Variants in UBE2V2 observed in about 807,000 individuals in gnomAD.
UBE2V2 encodes ubiquitin conjugating enzyme E2 V2, also known as ubiquitin-conjugating enzyme E2 variant 2.
UBE2V2 carries 9 observed loss-of-function variants against 17.2 expected under a neutral mutation model. The observed-to-expected ratio is 0.52, with a 90% confidence interval of 0.32 to 0.91. The LOEUF (loss-of-function observed/expected upper bound fraction) is 0.91, where lower values mean the gene tolerates loss of function less well. Among genes scored for constraint, UBE2V2 ranks in the 40% least tolerant of loss-of-function variants. The pLI is 0.04. For missense variants in UBE2V2, 133 were observed against 182.6 expected (o/e 0.73, Z 1.56); for synonymous variants, 61 against 57.5 (o/e 1.06, Z -0.28).
At chr8:48,053,109 C>T (rs1254486104) in intron 3 of UBE2V2, among the ~76,000 whole-genome samples, 1 of 152,126 alleles carries the variant, frequency 6.6e-6, no homozygotes, top group Non-Finnish European at 1.5e-5. Flanking sequence ...GTTGGCCAGG[C>T]TGGTCTCAGA....
rs143794770 is a variant in UBE2V2 at position 48,009,267 on chromosome 8, C to CT, written c.16+814dup. Reference sequence around the variant, plus strand: ...GTGATCTGCCTTTTTCTTTTCTTTTCTTTTTTTTTTTTTTTTTGAGTCAGA... The same window carrying CT: ...GTGATCTGCCTTTTTCTTTTCTTTTCTTTTTTTTTTTTTTTTTTGAGTCAGA... On this transcript the variant is annotated intron_variant, in intron 1 of 3. Coordinates refer to ENST00000523111, the MANE Select transcript of UBE2V2 (RefSeq NM_003350.3). 7.0e-3 allele frequency among the ~76,000 whole-genome samples: 933 copies of CT among 133,742 alleles called. 6 individuals carry two copies. Among genetic ancestry groups the CT allele is most frequent in the East Asian group, 0.015 (71 of 4,628 alleles). The allele number at this position is 133,742 out of a possible 152,430, so 87.7% of individuals were successfully genotyped here.
rs148705275 is a variant in UBE2V2, at chr8:48,011,905, G to A, written c.16+3435G>A. On this transcript the variant is annotated intron_variant, in intron 1 of 3. Transcript: ENST00000523111. ...TGGACTCAAGTGACCCTCCTGCCCT[G>A]GCCTGAGGTTAGGATTACAGGTTTG... Among the ~76,000 whole-genome samples, 501 of 152,228 alleles carry A rather than the reference G, an allele frequency of 3.3e-3. 2 individuals carry two copies. Among genetic ancestry groups the A allele is most frequent in the African/African-American group, 0.011 (469 of 41,554 alleles).
At chr8:48,026,459 T>C (rs559127534) in intron 1 of UBE2V2, among the ~76,000 whole-genome samples, 1 of 152,334 alleles carries the variant, frequency 6.6e-6, no homozygotes, top group African/African-American at 2.4e-5. Flanking sequence ...CATACAGTTG[T>C]CTATTTAAAG....
At chr8:48,038,856 A>T (rs2091442234) in intron 1 of UBE2V2, among the ~76,000 whole-genome samples, 1 of 150,950 alleles carries the variant, frequency 6.6e-6, no homozygotes, top group South Asian at 2.1e-4. Context: ...AACTCAAGTG[A>T]TTTGCCCATC....
At chr8:48,035,208 CGGGTTCA>C (rs1209587630) in intron 1 of UBE2V2, 49 of 861,374 alleles carry the variant, frequency 5.7e-5, no homozygotes, top group Non-Finnish European at 6.4e-5. Context: ...TTCTGCCTCC[CGGGTTCA>C]AGCAATTCTC....
intron 2 of UBE2V2, among the ~76,000 whole-genome samples, chr8:48,045,051 C>G (rs1419187230): frequency 6.6e-6 from 1 of 152,068 alleles, no homozygotes; most frequent in African/African-American, 2.4e-5. Context: ...AAACTCTATC[C>G]ACTGGGATGG....
At chr8:48,007,151 G>A (rs2091189325), upstream of UBE2V2, among the ~76,000 whole-genome samples, 1 of 151,916 alleles carries the variant, frequency 6.6e-6, no homozygotes, top group South Asian at 2.1e-4. Context: ...GCCTCCCAAA[G>A]TGCTGGGATC....
chr8:47,998,755 T>A, the UBE2V2 span, among the ~76,000 whole-genome samples: 2 of 151,548 alleles, frequency 1.3e-5, no homozygotes, highest in East Asian at 3.9e-4. Context: ...CCCTTCCCGG[T>A]TTCGGCACCA....
intron 1 of UBE2V2, among the ~76,000 whole-genome samples, chr8:48,030,338 C>G (rs999993885): frequency 2.6e-5 from 4 of 152,198 alleles, no homozygotes; most frequent in African/African-American, 9.7e-5. Context: ...AGGTGTTTAT[C>G]AAGTGCCTGT....
chr8:48,008,472 T>A lies in UBE2V2; in HGVS notation c.16+2T>A. The A allele has an allele frequency of 6.4e-7, 1 of 1,567,914 alleles. No homozygotes were observed. The highest frequency in any genetic ancestry group is 8.6e-7 in the Non-Finnish European group (1 of 1,159,070). ...AGGAGAAGATGGCGGTCTCCACAGG[T>A]CGGTTCCCGGGCCGGGCTGCGTGAT... On this transcript the variant is annotated splice_donor_variant, in intron 1 of 3. Coordinates refer to ENST00000523111, the MANE Select transcript of UBE2V2 (RefSeq NM_003350.3). LOFTEE classifies it high-confidence loss of function.
At chr8:48,048,002 T>TG (rs2091511087) in intron 2 of UBE2V2, among the ~76,000 whole-genome samples, 1 of 151,436 alleles carries the variant, frequency 6.6e-6, no homozygotes, top group African/African-American at 2.4e-5. Flanking sequence ...TGGGTTTTTT[T>TG]TTTTTTTTTT....
intron 1 of UBE2V2, among the ~76,000 whole-genome samples, chr8:48,039,438 A>G (rs914980213): frequency 6.6e-6 from 1 of 152,156 alleles, no homozygotes; most frequent in African/African-American, 2.4e-5. Flanking sequence ...ATGAGGTTGA[A>G]CATATTTTTA....
the UBE2V2 span, among the ~76,000 whole-genome samples, chr8:48,002,938 G>A: frequency 4.0e-5 from 6 of 150,602 alleles, no homozygotes; most frequent in Non-Finnish European, 5.9e-5. Flanking sequence ...TTGGCCAGGC[G>A]CAGTGGCTGA....
chr8:48,031,292 GTTTTAT>G (rs1287236750), intron 1 of UBE2V2, among the ~76,000 whole-genome samples: 1 of 152,016 alleles, frequency 6.6e-6, no homozygotes, highest in East Asian at 1.9e-4. Context: ...ATATTTCACT[GTTTTAT>G]TTTTAGTTTG....
intron 1 of UBE2V2, among the ~76,000 whole-genome samples, chr8:48,041,173 GT>G (rs1022135692): frequency 1.7e-3 from 204 of 117,312 alleles, no homozygotes; most frequent in East Asian, 2.1e-3. Context: ...CTTTTTTGTT[GT>G]TTTTTTTTTT....
the UBE2V2 span, among the ~76,000 whole-genome samples, chr8:48,001,950 G>A: frequency 3.0e-4 from 45 of 152,078 alleles, no homozygotes; most frequent in African/African-American, 1.0e-3. Context: ...TGAGCCGGAC[G>A]TGGTGGCGCA....
intron 3 of UBE2V2, chr8:48,050,237 C>G (rs528774247): frequency 4.8e-6 from 1 of 207,436 alleles, no homozygotes; most frequent in Admixed American, 5.9e-5. Context: ...CTTTTTTTTT[C>G]TTTTCTTTTT....
intron 2 of UBE2V2, among the ~76,000 whole-genome samples, chr8:48,048,627 A>G (rs1230169716): frequency 1.3e-5 from 2 of 152,212 alleles, no homozygotes; most frequent in Non-Finnish European, 2.9e-5. Context: ...TGAGTTTTAT[A>G]TAGCTCTTTT....
At chr8:48,047,090 C>A (rs899571728) in intron 2 of UBE2V2, among the ~76,000 whole-genome samples, 4 of 151,462 alleles carry the variant, frequency 2.6e-5, no homozygotes, top group Admixed American at 2.6e-4. Flanking sequence ...TACAGGCATG[C>A]GACACCATGC....
Sources: allele counts gnomAD v4.1 joint callset (sites outside exome capture counted in the v4.1 genomes callset), GRCh38; gene constraint gnomAD v4.1.1; transcripts MANE v1.5; gene names NCBI Gene and HGNC (gene_info 2026-07-23, HGNC 2026-07-21).